The following TRHDE variants were observed in gnomAD, a reference collection of about 807,000 sequenced individuals.
TRHDE encodes thyrotropin-releasing hormone-degrading ectoenzyme.
A neutral mutation model predicts 125.7 loss-of-function variants in TRHDE; 72 were observed. That is an observed-to-expected ratio of 0.57 (90% confidence interval 0.47 to 0.70). The LOEUF (loss-of-function observed/expected upper bound fraction) is 0.70. Ranked by LOEUF, TRHDE falls within the 30% of genes least tolerant of loss-of-function variation. The pLI is 0.00. For synonymous variants in TRHDE, 509 were observed against 509.1 expected, an observed-to-expected ratio of 1.00 and a Z score of 0.00; for missense variants, 1,110 against 1,327.1, an observed-to-expected ratio of 0.84 and a Z score of 2.54.
intron 2 of TRHDE, among the ~76,000 whole-genome samples, chr12:72,324,800 A>G (rs906415713): frequency 2.6e-5 from 4 of 152,162 alleles, no homozygotes; most frequent in African/African-American, 9.7e-5. Flanking sequence ...AGATTTCTGT[A>G]TCAGAAGGAG....
chr12:72,280,787 A>G (rs139129728), intron 1 of TRHDE, among the ~76,000 whole-genome samples: 2 of 152,308 alleles, frequency 1.3e-5, no homozygotes, highest in African/African-American at 4.8e-5. Context: ...CAGCAAGAAG[A>G]AAAGCCTTAA....
At chr12:72,156,415 C>T (rs1876513129) in intron 2 of TRHDE, among the ~76,000 whole-genome samples, 1 of 152,314 alleles carries the variant, frequency 6.6e-6, no homozygotes, top group South Asian at 2.1e-4. Flanking sequence ...CACCCACTGT[C>T]CGACATTCCC....
intron 2 of TRHDE, among the ~76,000 whole-genome samples, chr12:72,266,306 T>G (rs1380190314): frequency 6.6e-6 from 1 of 151,908 alleles, no homozygotes; most frequent in African/African-American, 2.4e-5. Flanking sequence ...CCATTCAAAT[T>G]ATGTAAATTT....
chr12:72,131,166 G>T (rs983822537), intron 2 of TRHDE, among the ~76,000 whole-genome samples: 1 of 150,178 alleles, frequency 6.7e-6, no homozygotes, highest in African/African-American at 2.5e-5. Context: ...CCGCCTCCCG[G>T]GTTCACGCCA....
intron 2 of TRHDE, among the ~76,000 whole-genome samples, chr12:72,221,167 C>T (rs959459058): frequency 9.2e-5 from 14 of 151,950 alleles, no homozygotes; most frequent in Non-Finnish European, 1.8e-4. Flanking sequence ...TATAAACAGA[C>T]AATACTTTTG....
At chr12:72,293,162 T>C (rs1489450321) in intron 2 of TRHDE, among the ~76,000 whole-genome samples, 1 of 152,168 alleles carries the variant, frequency 6.6e-6, no homozygotes, top group Non-Finnish European at 1.5e-5. Context: ...TTCCTTGTAT[T>C]AATAGCATGG....
chr12:72,538,505 T>C (rs1297089629), intron 6 of TRHDE, among the ~76,000 whole-genome samples: 1 of 151,968 alleles, frequency 6.6e-6, no homozygotes, highest in Non-Finnish European at 1.5e-5. Flanking sequence ...ACGATTCTGT[T>C]TTCTATTTTT....
At chr12:72,217,513 G>A (rs1182926804) in intron 2 of TRHDE, among the ~76,000 whole-genome samples, 2 of 152,054 alleles carry the variant, frequency 1.3e-5, no homozygotes, top group Non-Finnish European at 2.9e-5. Flanking sequence ...TCTCTTATTT[G>A]GTCATCAATG....
intron 5 of TRHDE, among the ~76,000 whole-genome samples, chr12:72,477,010 C>A (rs573063638): frequency 6.6e-6 from 1 of 152,080 alleles, no homozygotes; most frequent in Admixed American, 6.6e-5. Context: ...AAGTATGATA[C>A]AAGTCAGGGG....
intron 2 of TRHDE, among the ~76,000 whole-genome samples, chr12:72,130,982 A>G (rs558815444): frequency 2.6e-5 from 4 of 152,086 alleles, no homozygotes; most frequent in Middle Eastern, 3.4e-3. Flanking sequence ...TTTTCTACAT[A>G]CTGACAAATA....
Position 72,129,974 on chromosome 12 carries a change from T to C in TRHDE, n.279+24222T>C, listed in dbSNP as rs547760682. Among the ~76,000 whole-genome samples the C allele has an allele frequency of 2.6e-5, 4 of 152,262 alleles. No homozygotes were observed. In the East Asian group the frequency reaches 7.7e-4, roughly 29 times the overall value. ...TTAAGGGACATGAAATAATAATAAA[T>C]GGAGAGATATAGTCATTGTTAGAAC... On this transcript the variant is annotated intron_variant and non_coding_transcript_variant, in intron 2 of 4. Coordinates refer to the TRHDE transcript ENST00000548156.
chr12:72,205,955 T>C (rs1232830831), intron 2 of TRHDE, among the ~76,000 whole-genome samples: 1 of 152,188 alleles, frequency 6.6e-6, no homozygotes, highest in African/African-American at 2.4e-5. Flanking sequence ...CTGTGCCATT[T>C]TATAATCCCA....
At chr12:72,538,407 G>A (rs373168901) in intron 6 of TRHDE, among the ~76,000 whole-genome samples, 10 of 151,798 alleles carry the variant, frequency 6.6e-5, no homozygotes, top group Non-Finnish European at 8.8e-5. Flanking sequence ...TCATTTCTTC[G>A]TTGATTTCAA....
Position 72,633,414 on chromosome 12 carries a change from T to C in TRHDE, c.2675+11663T>C, listed in dbSNP as rs2136088720. ...CTCCACCAGGTTTCTCCAATGCTATTCTTTTGAATTTCACAGGGCCATTGC... is the reference window on the plus strand; with the variant it reads ...CTCCACCAGGTTTCTCCAATGCTATCCTTTTGAATTTCACAGGGCCATTGC... On this transcript the variant is annotated intron_variant, in intron 15 of 18. Transcript: ENST00000261180. Among the ~76,000 whole-genome samples the C allele has an allele frequency of 2.0e-5, 3 of 152,266 alleles. No individual in the cohort carries two copies. The Middle Eastern group carries it at 0.01, about 518-fold the overall frequency.
chr12:72,343,603 C>T (rs1454487730), intron 2 of TRHDE, among the ~76,000 whole-genome samples: 11 of 151,982 alleles, frequency 7.2e-5, no homozygotes, highest in Admixed American at 7.2e-4. Flanking sequence ...TGTGTTCTCT[C>T]CTGTTTATTA....
chr12:72,495,272 G>A (rs1465202247), intron 5 of TRHDE, among the ~76,000 whole-genome samples: 1 of 151,550 alleles, frequency 6.6e-6, no homozygotes, highest in Non-Finnish European at 1.5e-5. Context: ...CCCACTTCCT[G>A]TCTCCTGTTT....
At chr12:72,628,008 T>C (rs1873332580) in intron 15 of TRHDE, among the ~76,000 whole-genome samples, 8 of 151,912 alleles carry the variant, frequency 5.3e-5, no homozygotes, top group Admixed American at 5.3e-4. Flanking sequence ...ATTTCTTCCA[T>C]AGTTATAAGT....
intron 1 of TRHDE, among the ~76,000 whole-genome samples, chr12:72,091,085 G>A (rs936322058): frequency 5.3e-5 from 8 of 151,994 alleles, no homozygotes; most frequent in African/African-American, 1.9e-4. Flanking sequence ...TGTTGCACAG[G>A]CTGGTGTCAA....
intron 12 of TRHDE, among the ~76,000 whole-genome samples, chr12:72,590,165 G>T (rs575484257): frequency 1.7e-4 from 26 of 149,308 alleles, no homozygotes; most frequent in African/African-American, 6.4e-4. Context: ...TATTTTTTTT[G>T]TTTTTATTGA....
Sources: gnomAD v4.1 joint callset for allele counts (sites outside exome capture counted in the v4.1 genomes callset) on GRCh38, gnomAD v4.1.1 for gene constraint, MANE v1.5 for transcripts, NCBI Gene and HGNC (gene_info 2026-07-23, HGNC 2026-07-21) for gene names.